Variants in FAM168A observed in about 807,000 individuals in gnomAD.
FAM168A encodes the protein family with sequence similarity 168 member A.
In FAM168A, 3 loss-of-function variants were observed where a neutral mutation model predicts 28.5. The observed-to-expected ratio is 0.11, with a 90% CI of 0.05 to 0.27. FAM168A has a LOEUF of 0.27. Ranked by LOEUF, FAM168A falls within the 10% of genes least tolerant of loss-of-function variation. FAM168A has a pLI of 1.00. For missense variants in FAM168A, 222 were observed against 311.5 expected, an observed-to-expected ratio of 0.71 and a Z score of 2.16; for synonymous variants, 122 against 124.2, an observed-to-expected ratio of 0.98 and a Z score of 0.12.
chr11:73,534,073 G>A (rs1943547222), intron 1 of FAM168A, among the ~76,000 whole-genome samples: 1 of 152,182 alleles, frequency 6.6e-6, no homozygotes, highest in African/African-American at 2.4e-5. Flanking sequence ...TTCTTCACCT[G>A]TCAAACAGGG....
At chr11:73,551,979 A>G (rs1943834849) in intron 1 of FAM168A, among the ~76,000 whole-genome samples, 1 of 152,228 alleles carries the variant, frequency 6.6e-6, no homozygotes, top group Admixed American at 6.5e-5. Context: ...AGAGAAAGGA[A>G]TATGTGGGGA....
chr11:73,430,902 G>T, intron 2 of FAM168A, 132 bp from the exon 3 acceptor site: 1 of 651,174 alleles, frequency 1.5e-6, no homozygotes, highest in Non-Finnish European at 2.6e-6. Context: ...GTCTCTCCAT[G>T]GGCTATTCCA....
chr11:73,573,767 G>C (rs1248447476), intron 1 of FAM168A, among the ~76,000 whole-genome samples: 2 of 152,124 alleles, frequency 1.3e-5, no homozygotes, highest in Non-Finnish European at 2.9e-5. Flanking sequence ...AAACCAGTCT[G>C]GGCAACATAG....
chr11:73,475,333 T>C (rs966264917), intron 1 of FAM168A, among the ~76,000 whole-genome samples: 1 of 152,172 alleles, frequency 6.6e-6, no homozygotes, highest in Non-Finnish European at 1.5e-5. Flanking sequence ...CACAGTGCTT[T>C]AGACTTTACA....
intron 1 of FAM168A, among the ~76,000 whole-genome samples, chr11:73,550,292 T>A (rs1445319829): frequency 6.6e-6 from 1 of 152,010 alleles, no homozygotes. Flanking sequence ...AACCCAGTAG[T>A]GAAATGGAAT....
chr11:73,482,954 G>A (rs1229434266), intron 1 of FAM168A, among the ~76,000 whole-genome samples: 1 of 152,004 alleles, frequency 6.6e-6, no homozygotes, highest in Non-Finnish European at 1.5e-5. Flanking sequence ...TGGCCAGGCT[G>A]GTCTCCAACT....
At chr11:73,408,639 G>A (rs1016868083) in intron 6 of FAM168A, among the ~76,000 whole-genome samples, 2 of 152,062 alleles carry the variant, frequency 1.3e-5, no homozygotes, top group African/African-American at 2.4e-5. Context: ...AATTAGCTGG[G>A]TGTAGTGGCG....
In FAM168A at chr11:73,506,394, GA is replaced by G. The variant is rs542041553; in HGVS notation, c.-18-37903del. On this transcript the variant is annotated intron_variant, in intron 1 of 7. Coordinates refer to ENST00000356467, the MANE Select transcript of FAM168A (RefSeq NM_015159.3). ...ACATGGTACTTATGTGAAATAAGGA[GA>G]AAAAAAAAAACCCTCCATATCTCAC... Among the ~76,000 whole-genome samples, 386 of 142,620 alleles carry G rather than the reference GA, an allele frequency of 2.7e-3. 2 individuals are homozygous for G. Among genetic ancestry groups the G allele is most frequent in the South Asian group, 0.012 (56 of 4,496 alleles). 93.6% of individuals were successfully genotyped at this position (142,620 alleles called of 152,430 possible). A position where few individuals can be genotyped will look rare whatever the true frequency, so the allele number is the denominator to read the frequency against.
intron 1 of FAM168A, among the ~76,000 whole-genome samples, chr11:73,510,394 G>A (rs1418578212): frequency 6.6e-6 from 1 of 152,192 alleles, no homozygotes; most frequent in East Asian, 1.9e-4. Context: ...CTCGTAGGGA[G>A]AAAAACTGGC....
chr11:73,577,861 G>A (rs1459292648), intron 1 of FAM168A, among the ~76,000 whole-genome samples: 2 of 152,146 alleles, frequency 1.3e-5, no homozygotes, highest in Admixed American at 6.5e-5. Flanking sequence ...GTAACACTGG[G>A]CATGAGGGAG....
At chr11:73,505,769 G>C (rs1177366237) in intron 1 of FAM168A, among the ~76,000 whole-genome samples, 1 of 152,108 alleles carries the variant, frequency 6.6e-6, no homozygotes, top group African/African-American at 2.4e-5. Flanking sequence ...TTTTATAGAT[G>C]GGAGAACTGA....
chr11:73,448,786 C>T (rs1410719902), intron 2 of FAM168A, among the ~76,000 whole-genome samples: 2 of 152,122 alleles, frequency 1.3e-5, no homozygotes. Flanking sequence ...CATCTTAGAG[C>T]AGGAGGAAAA....
intron 3 of FAM168A, among the ~76,000 whole-genome samples, chr11:73,425,809 C>A (rs2134503628): frequency 6.6e-6 from 1 of 152,314 alleles, no homozygotes; most frequent in East Asian, 1.9e-4. Flanking sequence ...CTGGTCTTGA[C>A]CTTTGGCCTC....
At chr11:73,594,434 A>AT (rs1296064676) in intron 1 of FAM168A, among the ~76,000 whole-genome samples, 3 of 151,240 alleles carry the variant, frequency 2.0e-5, no homozygotes, top group African/African-American at 7.3e-5. Flanking sequence ...TTGTGTGTGT[A>AT]TTTTTACCTT....
chr11:73,443,459 A>C (rs1437269277), intron 2 of FAM168A, among the ~76,000 whole-genome samples: 1 of 152,198 alleles, frequency 6.6e-6, no homozygotes, highest in Admixed American at 6.5e-5. Flanking sequence ...AGGGAGATAT[A>C]AGCGTTGTGA....
At chr11:73,437,646 G>C (rs1867115534) in intron 2 of FAM168A, among the ~76,000 whole-genome samples, 1 of 151,944 alleles carries the variant, frequency 6.6e-6, no homozygotes, top group Non-Finnish European at 1.5e-5. Context: ...GACTTATTAA[G>C]AATCTTACCC....
intron 1 of FAM168A, among the ~76,000 whole-genome samples, chr11:73,472,386 G>A (rs1017933559): frequency 1.3e-5 from 2 of 152,186 alleles, no homozygotes; most frequent in Admixed American, 6.5e-5. Context: ...AGAGCTTAGA[G>A]GCCAGTTTAG....
rs975798027 is a variant in FAM168A, at chr11:73,595,205, T to A, written c.-19+2718A>T. Among the ~76,000 whole-genome samples the A allele has an allele frequency of 2.0e-5, 3 of 152,188 alleles. No individual in the cohort carries two copies. In the East Asian group the frequency reaches 5.8e-4, roughly 29 times the overall value. On this transcript the variant is annotated intron_variant, in intron 1 of 7. Coordinates refer to ENST00000356467, the MANE Select transcript of FAM168A (RefSeq NM_015159.3). ...CCTCAGAGTAAAGTTATGAGAGAAA[T>A]GCTCACATTAGATTACAGTCTCACT...
In FAM168A at chr11:73,421,071, T is replaced by TGC. The variant is rs1555017538; in HGVS notation, c.152-1073_152-1072insGC. Among the ~76,000 whole-genome samples the TGC allele has an allele frequency of 1.2e-3, 142 of 116,330 alleles. 1 individual carries two copies. The highest frequency in any genetic ancestry group is 4.5e-3 in the African/African-American group (137 of 30,650). The allele number at this position is 116,330 out of a possible 152,430, so 76.3% of individuals were successfully genotyped here. ...CATATTTTCCACTCAAATAAAGTCT[T>TGC]GGGGGGGGGGTCATGGATATGGGGT... On this transcript the variant is annotated intron_variant, in intron 3 of 7. Transcript: ENST00000356467.
Sources: gnomAD v4.1 joint callset for allele counts (sites outside exome capture counted in the v4.1 genomes callset) on GRCh38, gnomAD v4.1.1 for gene constraint, MANE v1.5 for transcripts, NCBI Gene and HGNC (gene_info 2026-07-23, HGNC 2026-07-21) for gene names.